ZNF516: variants seen among roughly 807,000 people sequenced by gnomAD.
ZNF516 encodes the protein zinc finger protein 516.
ZNF516 carries 19 observed loss-of-function variants against 79.7 expected under a neutral mutation model. The observed-to-expected ratio is 0.24, with a 90% CI of 0.17 to 0.35. The LOEUF (loss-of-function observed/expected upper bound fraction) is 0.35. ZNF516 is among the 10% of genes least tolerant of loss of function. The probability of loss-of-function intolerance (pLI) is 1.00; values close to 1 mark genes in which losing one functional copy is unlikely to be tolerated. For synonymous variants in ZNF516, 877 were observed against 739.5 expected, an observed-to-expected ratio of 1.19 and a Z score of -3.02; for missense variants, 1,678 against 1,679.5, an observed-to-expected ratio of 1.00 and a Z score of 0.02.
Position 76,486,064 on chromosome 18 carries a change from T to A in ZNF516, c.-272+9080A>T, listed in dbSNP as rs896869602. On this transcript the variant is annotated intron_variant, in intron 1 of 6. Transcript: ENST00000443185. The stretch of plus-strand genomic sequence containing the variant: ...GAAGTCTTAACTACTTATATTCAAG[T>A]CTGTGTTTTCCTGAATTAACAGTCA... 2.0e-5 allele frequency among the ~76,000 whole-genome samples: 3 copies of A among 152,178 alleles called. 1 individual carries two copies. In the South Asian group the frequency reaches 6.2e-4, roughly 32 times the overall value.
rs570871456 is a variant in ZNF516, at chr18:76,363,964, C to T, written c.3433-1407G>A. The stretch of plus-strand genomic sequence containing the variant: ...TGCCTAGATTGCACATGGACAGCAC[C>T]CCCAGGGCACATCCACCTGGGTAGC... On this transcript the variant is annotated intron_variant, in intron 6 of 6. Transcript: ENST00000443185. Among the ~76,000 whole-genome samples, 50 of 152,250 alleles carry T rather than the reference C, an allele frequency of 3.3e-4. No homozygotes were observed. In the South Asian group the frequency reaches 8.7e-3, roughly 26 times the overall value.
At chr18:76,425,995 A>G (rs1253041089) in intron 3 of ZNF516, among the ~76,000 whole-genome samples, 1 of 152,266 alleles carries the variant, frequency 6.6e-6, no homozygotes, top group East Asian at 1.9e-4. Context: ...GACTGCCTTC[A>G]TGTTGCATAG....
intron 1 of ZNF516, among the ~76,000 whole-genome samples, chr18:76,477,283 T>C (rs2145760248): frequency 6.6e-6 from 1 of 152,252 alleles, no homozygotes; most frequent in South Asian, 2.1e-4. Flanking sequence ...ATCTGACCTA[T>C]CAAAAGAAGC....
At chr18:76,374,891 A>G (rs938700005) in intron 4 of ZNF516, among the ~76,000 whole-genome samples, 3 of 152,230 alleles carry the variant, frequency 2.0e-5, no homozygotes, top group African/African-American at 7.2e-5. Flanking sequence ...CTTGTATAAT[A>G]AGACACGTCA....
Position 76,443,089 on chromosome 18 carries a change from GCTTT to G in ZNF516, c.-39_-36del. ...GGGCGCGGCCGGTGGTGGCGGCACA[GCTTT>G]CTGTCGCGCGGGCTGCAGGGACCGT... On this transcript the variant is annotated 5_prime_UTR_variant, in exon 3 of 7. Transcript: ENST00000443185. 6.5e-7 allele frequency: 1 copy of G among 1,541,114 alleles called. No homozygotes were observed. The highest frequency in any genetic ancestry group is 8.7e-7 in the Non-Finnish European group (1 of 1,151,130).
At chr18:76,401,105 T>G (rs768920682) in intron 3 of ZNF516, among the ~76,000 whole-genome samples, 4 of 152,220 alleles carry the variant, frequency 2.6e-5, no homozygotes, top group Non-Finnish European at 5.9e-5. Flanking sequence ...TGTTCCATTA[T>G]TGGAACGCTA....
chr18:76,378,843 C>T lies in ZNF516; in HGVS notation c.3259+12G>A, dbSNP rs375100845. 1.6e-5 allele frequency: 25 copies of T among 1,606,738 alleles called. No homozygotes were observed. The highest frequency in any genetic ancestry group is 2.7e-5 in the African/African-American group (2 of 74,790). ...CATGTGGCCTGGGGAAGAGAGGGCC[C>T]GCACATCTTACCTCTGTGCTCCAAC... is the stretch of plus-strand genomic sequence containing the variant. On this transcript the variant is annotated intron_variant, in intron 4 of 6. Transcript: ENST00000443185.
intron 3 of ZNF516, among the ~76,000 whole-genome samples, chr18:76,391,898 A>C (rs116829318): frequency 3.9e-5 from 6 of 152,192 alleles, no homozygotes; most frequent in Non-Finnish European, 8.8e-5. Flanking sequence ...AGCCAGCAGG[A>C]GGAGGCCGGG....
intron 3 of ZNF516, chr18:76,388,899 G>C (rs759982868): frequency 1.3e-5 from 2 of 152,280 alleles, no homozygotes; most frequent in African/African-American, 4.8e-5. Flanking sequence ...CACACTGGGC[G>C]GCAGGAGCCC....
At position 76,467,935 on chromosome 18, in the gene ZNF516, C is replaced by T. The variant is rs778864432; in HGVS notation, c.-271-4794G>A. ...CTGACTGCTAACTCCCACTGTCATC[C>T]CAGGCAGCCTTGCAAGCAAAGAGTA... On this transcript the variant is annotated intron_variant, in intron 1 of 6. Coordinates refer to ENST00000443185, the MANE Select transcript of ZNF516 (RefSeq NM_014643.4). The surrounding 1 kb of genome is among the most constrained non-coding windows in gnomAD (Gnocchi z 4.2). 1.3e-5 allele frequency among the ~76,000 whole-genome samples: 2 copies of T among 152,172 alleles called. No homozygotes were observed. Among genetic ancestry groups the T allele is most frequent in the Non-Finnish European group, 2.9e-5 (2 of 68,032 alleles).
intron 1 of ZNF516, chr18:76,490,813 G>A (rs1915134058): frequency 1.4e-5 from 14 of 985,494 alleles, no homozygotes; most frequent in South Asian, 9.4e-5. Flanking sequence ...GGACCGGAGG[G>A]TCCGAGGGCT....
intron 1 of ZNF516, among the ~76,000 whole-genome samples, chr18:76,466,409 C>A (rs1206220563): frequency 6.6e-6 from 1 of 152,202 alleles, no homozygotes; most frequent in African/African-American, 2.4e-5. Flanking sequence ...ATGGTGCACC[C>A]ATGCTGCCAC....
intron 3 of ZNF516, among the ~76,000 whole-genome samples, chr18:76,383,035 CAAAAAAAA>C (rs772423972): frequency 2.0e-5 from 1 of 49,802 alleles, no homozygotes; most frequent in East Asian, 5.8e-4. Flanking sequence ...GACTCTGTCT[CAAAAAAAA>C]AAAAAAAAAA....
At chr18:76,427,083 A>AC (rs1568281866) in intron 3 of ZNF516, among the ~76,000 whole-genome samples, 1 of 152,248 alleles carries the variant, frequency 6.6e-6, no homozygotes, top group Non-Finnish European at 1.5e-5. Context: ...GAGAGAGAGA[A>AC]CGGGCACAAT....
intron 4 of ZNF516, among the ~76,000 whole-genome samples, chr18:76,375,652 C>T (rs1478115307): frequency 6.7e-6 from 1 of 149,194 alleles, no homozygotes; most frequent in African/African-American, 2.5e-5. Context: ...GATGGGAAGG[C>T]CCAAGAGACC....
At chr18:76,369,090 T>C (rs541727205) in intron 6 of ZNF516, among the ~76,000 whole-genome samples, 2 of 152,302 alleles carry the variant, frequency 1.3e-5, no homozygotes, top group African/African-American at 4.8e-5. Flanking sequence ...CTTGTAATTC[T>C]CAATTACGGC....
chr18:76,456,972 C>T (rs1052517346), intron 2 of ZNF516, among the ~76,000 whole-genome samples: 1 of 152,206 alleles, frequency 6.6e-6, no homozygotes, highest in African/African-American at 2.4e-5. Context: ...CAGGTACCAC[C>T]TGTTTTATCT....
chr18:76,472,474 T>C (rs1913902654), intron 1 of ZNF516, among the ~76,000 whole-genome samples: 1 of 152,248 alleles, frequency 6.6e-6, no homozygotes, highest in African/African-American at 2.4e-5. Flanking sequence ...TGTGTGTATA[T>C]ACACGTACAC....
intron 5 of ZNF516, 128 bp downstream of exon 5, chr18:76,371,339 C>T: frequency 1.1e-6 from 1 of 934,920 alleles, no homozygotes; most frequent in Non-Finnish European, 1.6e-6. Context: ...AGGCAGATGG[C>T]AGGCCCCCCG....
Sources: allele counts gnomAD v4.1 joint callset (sites outside exome capture counted in the v4.1 genomes callset), GRCh38; gene constraint gnomAD v4.1.1; non-coding constraint Gnocchi (gnomAD v3.1); transcripts MANE v1.5; gene names NCBI Gene and HGNC (gene_info 2026-07-23, HGNC 2026-07-21).